The following FIG4 variants were observed in gnomAD, a reference collection of about 807,000 sequenced individuals.
FIG4 encodes the protein FIG4 phosphoinositide 5-phosphatase.
FIG4 carries 112 observed loss-of-function variants against 118.6 expected under a neutral mutation model. The observed-to-expected ratio is 0.94, with a 90% CI of 0.81 to 1.11. The LOEUF (loss-of-function observed/expected upper bound fraction) is 1.11, where lower values mean the gene tolerates loss of function less well. FIG4 is among the 50% of genes least tolerant of loss of function. The pLI is 0.00. For synonymous variants in FIG4, 369 were observed against 381.2 expected (o/e 0.97, Z 0.37); for missense variants, 969 against 1,111.7 (o/e 0.87, Z 1.83).
At chr6:109,801,122 C>T (rs975407247) in intron 22 of FIG4, among the ~76,000 whole-genome samples, 3 of 152,200 alleles carry the variant, frequency 2.0e-5, no homozygotes, top group Admixed American at 2.0e-4. Flanking sequence ...CTATGGTTCA[C>T]CTATTCTAGG....
chr6:109,817,265 C>T (rs1322628362), intron 22 of FIG4, among the ~76,000 whole-genome samples: 1 of 152,188 alleles, frequency 6.6e-6, no homozygotes, highest in Non-Finnish European at 1.5e-5. Flanking sequence ...TCTCATTAAA[C>T]AACAGCCGAA....
chr6:109,747,993 G>A (rs947373019), intron 10 of FIG4, among the ~76,000 whole-genome samples: 2 of 152,090 alleles, frequency 1.3e-5, no homozygotes, highest in Non-Finnish European at 2.9e-5. Flanking sequence ...AAGGGTTCGG[G>A]CATGTGTGTA....
chr6:109,761,377 TTGTTTTTGTTTC>T (rs951142759), intron 11 of FIG4, among the ~76,000 whole-genome samples: 2 of 151,656 alleles, frequency 1.3e-5, no homozygotes, highest in African/African-American at 2.4e-5. Context: ...GTTGTTGTTG[TTGTTTTTGTTTC>T]TGTTTTTGTT....
At chr6:109,735,045 G>C (rs1776119400) in intron 5 of FIG4, 105 bp from the exon 6 acceptor site, 2 of 914,028 alleles carry the variant, frequency 2.2e-6, no homozygotes, top group African/African-American at 3.3e-5. Flanking sequence ...TAAAGTAATA[G>C]GTGCTAAGTA....
intron 22 of FIG4, among the ~76,000 whole-genome samples, chr6:109,816,165 T>C (rs1323966147): frequency 6.6e-6 from 1 of 152,154 alleles, no homozygotes; most frequent in East Asian, 1.9e-4. Context: ...ACTGGATCCT[T>C]CACAGGAATG....
chr6:109,813,249 A>G (rs1778769962), intron 22 of FIG4, among the ~76,000 whole-genome samples: 1 of 152,230 alleles, frequency 6.6e-6, no homozygotes, highest in Non-Finnish European at 1.5e-5. Flanking sequence ...CAGGCCTGAT[A>G]TCCTCTCTCT....
chr6:109,779,318 A>G (rs1777724390), intron 16 of FIG4, among the ~76,000 whole-genome samples: 1 of 152,148 alleles, frequency 6.6e-6, no homozygotes, highest in South Asian at 2.1e-4. Context: ...TTAAAAGCAT[A>G]ATTTAAACCC....
chr6:109,819,573 A>G (rs1322059955), intron 22 of FIG4, among the ~76,000 whole-genome samples: 2 of 152,044 alleles, frequency 1.3e-5, no homozygotes, highest in East Asian at 1.9e-4. Context: ...GGTTCACACA[A>G]TTCTCCTGCC....
chr6:109,749,210 A>C (rs1776610715), intron 10 of FIG4, among the ~76,000 whole-genome samples: 1 of 151,932 alleles, frequency 6.6e-6, no homozygotes, highest in African/African-American at 2.4e-5. Flanking sequence ...GCTCTTTGTA[A>C]TTGTATCCCA....
chr6:109,803,303 G>T (rs541237376), intron 22 of FIG4, among the ~76,000 whole-genome samples: 1 of 152,356 alleles, frequency 6.6e-6, no homozygotes, highest in African/African-American at 2.4e-5. Flanking sequence ...GCTGTTGGCA[G>T]TTGAAATAGA....
chr6:109,803,920 T>C (rs1247783673), intron 22 of FIG4, among the ~76,000 whole-genome samples: 1 of 152,084 alleles, frequency 6.6e-6, no homozygotes, highest in Non-Finnish European at 1.5e-5. Context: ...GAAACCATCA[T>C]TCTCAGCAAA....
intron 10 of FIG4, among the ~76,000 whole-genome samples, chr6:109,758,299 C>T (rs1776986620): frequency 6.6e-6 from 1 of 152,128 alleles, no homozygotes; most frequent in African/African-American, 2.4e-5. Flanking sequence ...TCAGAAATGA[C>T]ACCACACATC....
intron 10 of FIG4, among the ~76,000 whole-genome samples, chr6:109,755,274 T>C (rs562877505): frequency 2.0e-5 from 3 of 152,384 alleles, no homozygotes; most frequent in African/African-American, 7.2e-5. Context: ...TCCTGAATTC[T>C]AGTTTGATTG....
rs761154459 is a variant in FIG4 at position 109,727,092 on chromosome 6, T to C, written c.290-17T>C. ...TAAGTTTATAAAGCATATTTCTCTT[T>C]ATTTTTTGTTGCATAGGTTTTGTCA... On this transcript the variant is annotated splice_polypyrimidine_tract_variant and intron_variant, in intron 3 of 22. Coordinates refer to ENST00000230124, the MANE Select transcript of FIG4 (RefSeq NM_014845.6). The C allele has an allele frequency of 5.7e-6, 9 of 1,590,440 alleles. 1 individual carries two copies. In the South Asian group the frequency reaches 9.9e-5, roughly 18 times the overall value.
At chr6:109,712,632 T>C (rs1775302203) in intron 1 of FIG4, among the ~76,000 whole-genome samples, 1 of 152,194 alleles carries the variant, frequency 6.6e-6, no homozygotes, top group South Asian at 2.1e-4. Flanking sequence ...TTGTCTGTCA[T>C]GTTTTATCAT....
chr6:109,730,309 A>G (rs1583658416), intron 4 of FIG4, among the ~76,000 whole-genome samples: 1 of 152,318 alleles, frequency 6.6e-6, no homozygotes, highest in East Asian at 1.9e-4. Flanking sequence ...TCGGCCTCCC[A>G]AAGTCCTGGG....
intron 6 of FIG4, among the ~76,000 whole-genome samples, chr6:109,737,466 T>G (rs1776191838): frequency 6.6e-6 from 1 of 152,130 alleles, no homozygotes; most frequent in Non-Finnish European, 1.5e-5. Context: ...AATTCTCTCG[T>G]GTAATGCATT....
chr6:109,733,150 G>A (rs1289136209), intron 5 of FIG4, among the ~76,000 whole-genome samples: 1 of 152,114 alleles, frequency 6.6e-6, no homozygotes, highest in Non-Finnish European at 1.5e-5. Context: ...AAGGAATATG[G>A]CATTGAACAT....
At chr6:109,706,077 A>G (rs1775058483) in intron 1 of FIG4, among the ~76,000 whole-genome samples, 2 of 152,236 alleles carry the variant, frequency 1.3e-5, no homozygotes, top group Non-Finnish European at 2.9e-5. Context: ...GAGGCACCAT[A>G]TTGTGCTACT....
Sources: allele counts gnomAD v4.1 joint callset (sites outside exome capture counted in the v4.1 genomes callset), GRCh38; gene constraint gnomAD v4.1.1; transcripts MANE v1.5; gene names NCBI Gene and HGNC (gene_info 2026-07-23, HGNC 2026-07-21).